The following NBEA variants were observed in gnomAD, a reference collection of about 807,000 sequenced individuals.
The protein encoded by NBEA is neurobeachin.
In NBEA, 44 loss-of-function variants were observed where a neutral mutation model predicts 343.4. The observed-to-expected ratio is 0.13, with a 90% CI of 0.10 to 0.16. The LOEUF is 0.16. Among genes scored for constraint, NBEA ranks in the 10% least tolerant of loss-of-function variants. The pLI is 1.00. For synonymous variants in NBEA, 1,175 were observed against 1,238.7 expected (o/e 0.95, Z 1.08); for missense variants, 2,555 against 3,631.3 (o/e 0.70, Z 7.62).
intron 31 of NBEA, among the ~76,000 whole-genome samples, chr13:35,208,308 A>G (rs2073533869): frequency 6.6e-6 from 1 of 152,220 alleles, no homozygotes; most frequent in Non-Finnish European, 1.5e-5. Flanking sequence ...AATATTTTAA[A>G]CATGGAGAAT....
intron 23 of NBEA, 26 bp from the exon 24 acceptor site, chr13:35,164,330 A>C (rs1452969932): frequency 6.5e-7 from 1 of 1,548,696 alleles, no homozygotes; most frequent in African/African-American, 1.4e-5. Flanking sequence ...GCCAAAACAT[A>C]CTCATTTCTG....
intron 11 of NBEA, 145 bp downstream of exon 11, chr13:35,098,550 G>A (rs183783519): frequency 3.4e-5 from 18 of 535,670 alleles, no homozygotes; most frequent in African/African-American, 1.9e-4. Flanking sequence ...TTAGATTTAA[G>A]TGTAGACATG....
chr13:35,311,658 G>T (rs150493903), intron 36 of NBEA, among the ~76,000 whole-genome samples: 58 of 152,072 alleles, frequency 3.8e-4, no homozygotes, highest in African/African-American at 1.3e-3. Flanking sequence ...GTTTGAGACC[G>T]GTCTGGCTAA....
At chr13:35,584,082 T>G in intron 46 of NBEA, 44 bp downstream of exon 46, 1 of 1,536,158 alleles carries the variant, frequency 6.5e-7, no homozygotes, top group South Asian at 1.1e-5. Context: ...TACCTTAAAA[T>G]TTTAACATAA....
intron 10 of NBEA, among the ~76,000 whole-genome samples, chr13:35,084,758 C>T (rs2064639174): frequency 6.6e-6 from 1 of 151,972 alleles, no homozygotes; most frequent in African/African-American, 2.4e-5. Flanking sequence ...GAAATAGAGA[C>T]ACAAAAAACC....
intron 41 of NBEA, among the ~76,000 whole-genome samples, chr13:35,499,852 G>A (rs972194902): frequency 2.0e-5 from 3 of 152,042 alleles, no homozygotes; most frequent in Admixed American, 6.6e-5. Flanking sequence ...ACAAATGAAC[G>A]CTGTCTGCTC....
intron 38 of NBEA, among the ~76,000 whole-genome samples, chr13:35,390,229 G>A (rs1594451997): frequency 6.6e-6 from 1 of 151,782 alleles, no homozygotes; most frequent in Non-Finnish European, 1.5e-5. Context: ...GACCTATTCC[G>A]TGCTAATACC....
intron 33 of NBEA, among the ~76,000 whole-genome samples, chr13:35,227,208 G>A (rs118101916): frequency 0.031 from 4,723 of 151,684 alleles, 101 homozygotes; most frequent in Non-Finnish European, 0.045. Flanking sequence ...TAATAAAATT[G>A]TCAGTAGGTA....
At chr13:35,420,399 A>G (rs1267467360) in intron 38 of NBEA, among the ~76,000 whole-genome samples, 1 of 151,932 alleles carries the variant, frequency 6.6e-6, no homozygotes, top group Admixed American at 6.6e-5. Flanking sequence ...TTTCTTCTTC[A>G]GCTGTTAATG....
In NBEA at chr13:35,550,910, T is replaced by G; in HGVS notation, c.6704-20T>G. The G allele has an allele frequency of 1.3e-6, 2 of 1,510,284 alleles. No homozygotes were observed. Among genetic ancestry groups the G allele is most frequent in the Non-Finnish European group, 1.8e-6 (2 of 1,093,862 alleles). 93.6% of individuals were successfully genotyped at this position (1,510,284 alleles called of 1,614,324 possible). ...TATCCTGCGGTTTTCTAAACTCTGT[T>G]TTTTTTCTTCTTACCACAGCCTCAG... On this transcript the variant is annotated intron_variant, in intron 42 of 58. Coordinates refer to ENST00000379939, the MANE Select transcript of NBEA (RefSeq NM_001385012.1).
At chr13:35,262,503 T>C (rs2033295068) in intron 34 of NBEA, among the ~76,000 whole-genome samples, 1 of 152,220 alleles carries the variant, frequency 6.6e-6, no homozygotes, top group African/African-American at 2.4e-5. Flanking sequence ...GCCACACTTA[T>C]AAACCTGACT....
At chr13:35,236,279 C>A (rs1252946157) in intron 34 of NBEA, among the ~76,000 whole-genome samples, 1 of 152,092 alleles carries the variant, frequency 6.6e-6, no homozygotes, top group African/African-American at 2.4e-5. Flanking sequence ...TTGGTCATAA[C>A]CCTCCCTTCC....
At chr13:35,611,347 A>G (rs949072610) in intron 48 of NBEA, among the ~76,000 whole-genome samples, 1 of 152,266 alleles carries the variant, frequency 6.6e-6, no homozygotes, top group Admixed American at 6.5e-5. Context: ...ATGAAGTACT[A>G]GTTAGCCATA....
At chr13:35,530,941 CAG>C (rs1295420129) in intron 41 of NBEA, among the ~76,000 whole-genome samples, 4 of 152,160 alleles carry the variant, frequency 2.6e-5, no homozygotes, top group Admixed American at 6.5e-5. Flanking sequence ...AGGAAGCTGA[CAG>C]AGTTTTCTGC....
chr13:35,469,099 CAAAAAAAAAAAA>C (rs34222156), intron 40 of NBEA, among the ~76,000 whole-genome samples: 1 of 85,024 alleles, frequency 1.2e-5, no homozygotes, highest in African/African-American at 4.9e-5. Flanking sequence ...GACTCTATCT[CAAAAAAAAAAAA>C]AAAAAAAAAG....
At chr13:35,414,622 G>A (rs574557739) in intron 38 of NBEA, among the ~76,000 whole-genome samples, 2 of 152,218 alleles carry the variant, frequency 1.3e-5, no homozygotes, top group South Asian at 4.1e-4. Context: ...TCTTAATCCA[G>A]TCTATCATTG....
chr13:35,623,995 AT>A (rs1043382439), intron 48 of NBEA, among the ~76,000 whole-genome samples: 25 of 152,160 alleles, frequency 1.6e-4, no homozygotes, highest in Admixed American at 1.2e-3. Context: ...AAATATAAAA[AT>A]TCTAAATGAA....
intron 36 of NBEA, among the ~76,000 whole-genome samples, chr13:35,318,676 G>A (rs1404548972): frequency 3.3e-5 from 5 of 152,102 alleles, no homozygotes; most frequent in South Asian, 2.1e-4. Context: ...AGAAGGAATG[G>A]TACCAGCTCC....
intron 49 of NBEA, among the ~76,000 whole-genome samples, chr13:35,631,188 T>A (rs1463263162): frequency 6.6e-6 from 1 of 152,206 alleles, no homozygotes. Context: ...AGAACCCAGA[T>A]AAAATGGAGT....
Sources: allele counts gnomAD v4.1 joint callset (sites outside exome capture counted in the v4.1 genomes callset), GRCh38; gene constraint gnomAD v4.1.1; transcripts MANE v1.5; gene names NCBI Gene and HGNC (gene_info 2026-07-23, HGNC 2026-07-21).